NFIB: variants seen among roughly 807,000 people sequenced by gnomAD.
The protein encoded by NFIB is nuclear factor I B.
A neutral mutation model predicts 61.5 loss-of-function variants in NFIB; 11 were observed. The observed-to-expected ratio is 0.18, with a 90% CI of 0.11 to 0.30. The LOEUF (loss-of-function observed/expected upper bound fraction) is 0.30. Ranked by LOEUF, NFIB falls within the 10% of genes least tolerant of loss-of-function variation. NFIB has a pLI of 1.00. For synonymous variants in NFIB, 260 were observed against 216.5 expected (o/e 1.20, Z -1.76); for missense variants, 471 against 608.9 (o/e 0.77, Z 2.38).
At chr9:14,420,613 A>G in the NFIB span, among the ~76,000 whole-genome samples, 2 of 152,158 alleles carry the variant, frequency 1.3e-5, no homozygotes, top group Non-Finnish European at 2.9e-5. Flanking sequence ...TGACCTCTTC[A>G]TGGCTCTAGC....
intron 2 of NFIB, among the ~76,000 whole-genome samples, chr9:14,298,361 T>C (rs1304754097): frequency 2.6e-5 from 4 of 152,080 alleles, no homozygotes; most frequent in Non-Finnish European, 5.9e-5. Context: ...TCGTAGCAGC[T>C]GAAAATGCTG....
At chr9:14,359,624 A>T (rs1252271493) in intron 1 of NFIB, among the ~76,000 whole-genome samples, 2 of 152,182 alleles carry the variant, frequency 1.3e-5, no homozygotes, top group Non-Finnish European at 2.9e-5. Context: ...GAAATTTGTT[A>T]TGGGAGCCAT....
the NFIB span, among the ~76,000 whole-genome samples, chr9:14,459,850 T>C: frequency 0.4 from 58,759 of 147,490 alleles, 12,668 homozygotes; most frequent in Admixed American, 0.51. Context: ...ATGGCGATCA[T>C]TAAAAAGTCA....
intron 2 of NFIB, among the ~76,000 whole-genome samples, chr9:14,291,442 G>A (rs1408488952): frequency 1.3e-5 from 2 of 152,082 alleles, no homozygotes; most frequent in African/African-American, 2.4e-5. Flanking sequence ...CCAAGATCAC[G>A]CCACTGCACT....
chr9:14,201,030 G>A (rs939590626), intron 2 of NFIB, among the ~76,000 whole-genome samples: 1 of 152,108 alleles, frequency 6.6e-6, no homozygotes, highest in African/African-American at 2.4e-5. Context: ...TTCACATTCA[G>A]TTGTCAGCCC....
Position 14,087,543 on chromosome 9 carries a change from T to G in NFIB, c.*766A>C, listed in dbSNP as rs2033042651. On this transcript the variant is annotated 3_prime_UTR_variant, in exon 11 of 11. Transcript: ENST00000380953. The stretch of plus-strand genomic sequence containing the variant: ...AGAGGCATTTCTTCCATAGAGCCTT[T>G]GTGTTCAAACTGTTTTTTTCCTTTT... 4.4e-6 allele frequency: 1 copy of G among 227,690 alleles called. No homozygotes were observed. Among genetic ancestry groups the G allele is most frequent in the African/African-American group, 2.2e-5 (1 of 45,006 alleles). The allele number at this position is 227,690 out of a possible 1,614,324, so 14.1% of individuals were successfully genotyped here. A position where few individuals can be genotyped will look rare whatever the true frequency, so the allele number is the denominator to read the frequency against.
At chr9:14,302,468 T>C (rs1302213994) in intron 2 of NFIB, among the ~76,000 whole-genome samples, 1 of 152,098 alleles carries the variant, frequency 6.6e-6, no homozygotes. Context: ...CAACAAGAGA[T>C]CATAATTTTA....
chr9:14,513,587 C>T, the NFIB span, among the ~76,000 whole-genome samples: 1 of 139,578 alleles, frequency 7.2e-6, no homozygotes, highest in Non-Finnish European at 1.5e-5. Context: ...GAAATTGTGC[C>T]ATTGCACTCC....
chr9:14,336,697 T>C (rs2060889741), intron 1 of NFIB, among the ~76,000 whole-genome samples: 1 of 152,224 alleles, frequency 6.6e-6, no homozygotes, highest in South Asian at 2.1e-4. Flanking sequence ...CTTAGAAAGC[T>C]CCTGTGCTTG....
chr9:14,483,170 G>T, the NFIB span, among the ~76,000 whole-genome samples: 128 of 152,190 alleles, frequency 8.4e-4, no homozygotes, highest in African/African-American at 3.0e-3. Flanking sequence ...AGAAAGAATT[G>T]TTATGTTTCT....
chr9:14,275,408 TAAG>T (rs1475257049), intron 2 of NFIB, among the ~76,000 whole-genome samples: 4 of 152,140 alleles, frequency 2.6e-5, no homozygotes, highest in Non-Finnish European at 5.9e-5. Context: ...AAAGTCATAG[TAAG>T]AAGAAGAATA....
At chr9:14,179,696 A>G (rs2081418826) in intron 3 of NFIB, 31 bp downstream of exon 3, 2 of 1,611,676 alleles carry the variant, frequency 1.2e-6, no homozygotes, top group African/African-American at 2.7e-5. Context: ...CAACAATGTC[A>G]GATTGCAAAT....
intron 10 of NFIB, 44 bp downstream of exon 10, chr9:14,112,955 C>G: frequency 6.5e-7 from 1 of 1,536,158 alleles, no homozygotes; most frequent in Non-Finnish European, 8.8e-7. Context: ...AGCACGGAAG[C>G]GAAAGCGTGG....
At chr9:14,262,739 C>G (rs368968423) in intron 2 of NFIB, among the ~76,000 whole-genome samples, 7 of 152,246 alleles carry the variant, frequency 4.6e-5, no homozygotes, top group African/African-American at 1.7e-4. Context: ...GATGTTCATA[C>G]GCGTCAAGAG....
At chr9:14,218,194 G>A (rs2051178547) in intron 2 of NFIB, among the ~76,000 whole-genome samples, 1 of 152,178 alleles carries the variant, frequency 6.6e-6, no homozygotes, top group Non-Finnish European at 1.5e-5. Context: ...GAAGAAAAAG[G>A]CCAGTTGTAC....
At chr9:14,462,672 G>A in the NFIB span, among the ~76,000 whole-genome samples, 1 of 152,090 alleles carries the variant, frequency 6.6e-6, no homozygotes, top group African/African-American at 2.4e-5. Flanking sequence ...TCTTATCTCT[G>A]GGTTTTAGAG....
intron 2 of NFIB, among the ~76,000 whole-genome samples, chr9:14,277,581 T>C (rs548097510): frequency 6.6e-6 from 1 of 152,346 alleles, no homozygotes; most frequent in African/African-American, 2.4e-5. Flanking sequence ...AAAGAAAGAA[T>C]TAACAACAAC....
chr9:14,370,005 C>G (rs2061341126), intron 1 of NFIB, among the ~76,000 whole-genome samples: 1 of 152,208 alleles, frequency 6.6e-6, no homozygotes, highest in Admixed American at 6.5e-5. Context: ...AAAACCAATC[C>G]CAGGCAGCTT....
rs770550861 is a variant in NFIB at position 14,307,263 on chromosome 9, C to G, written c.288G>C (p.Val96=). ...QEYREDFVLT[V]TGKKHPCCVL... Reference sequence around the variant, plus strand: ...CACAGCACGGGTGCTTCTTGCCAGTCACGGTGAGCACAAAGTCCTCTCGAT... The same window carrying G: ...CACAGCACGGGTGCTTCTTGCCAGTGACGGTGAGCACAAAGTCCTCTCGAT... Residue 96 remains valine, a synonymous_variant, in exon 2 of 11, where the codon GTG becomes GTC. Coordinates refer to ENST00000380953, the MANE Select transcript of NFIB (RefSeq NM_001190737.2). This position sits in a 1 kb window ranked among gnomAD's most constrained non-coding sequence, Gnocchi z 5.3. The G allele has an allele frequency of 6.2e-7, 1 of 1,614,030 alleles. No individual in the cohort carries two copies. Among genetic ancestry groups the G allele is most frequent in the South Asian group, 1.1e-5 (1 of 91,060 alleles).
Sources: allele counts gnomAD v4.1 joint callset (sites outside exome capture counted in the v4.1 genomes callset), GRCh38; gene constraint gnomAD v4.1.1; non-coding constraint Gnocchi (gnomAD v3.1); transcripts MANE v1.5; gene names NCBI Gene and HGNC (gene_info 2026-07-23, HGNC 2026-07-21).